Variants in FBXW11 observed in about 807,000 individuals in gnomAD.
FBXW11 encodes the protein F-box/WD repeat-containing protein 11.
Under a neutral mutation model 77.6 loss-of-function variants are expected in FBXW11, and 19 were observed. The observed-to-expected ratio is 0.24, with a 90% confidence interval of 0.17 to 0.36. The LOEUF (loss-of-function observed/expected upper bound fraction) is 0.36, where lower values mean the gene tolerates loss of function less well. Ranked by LOEUF, FBXW11 falls within the 10% of genes least tolerant of loss-of-function variation. The pLI is 1.00. For synonymous variants in FBXW11, 235 were observed against 249.4 expected (o/e 0.94, Z 0.54); for missense variants, 334 against 704.2 (o/e 0.47, Z 5.95).
intron 1 of FBXW11, among the ~76,000 whole-genome samples, chr5:171,981,845 G>T (rs1376186260): frequency 6.6e-6 from 1 of 152,188 alleles, no homozygotes; most frequent in Non-Finnish European, 1.5e-5. Flanking sequence ...ATAATGCAAT[G>T]CTACTAAGCA....
chr5:171,911,343 T>C (rs1760873465), intron 3 of FBXW11, among the ~76,000 whole-genome samples: 1 of 152,250 alleles, frequency 6.6e-6, no homozygotes, highest in African/African-American at 2.4e-5. Flanking sequence ...GTTTCGGTTT[T>C]ATTAGTCTGG....
intron 1 of FBXW11, among the ~76,000 whole-genome samples, chr5:171,979,050 C>A (rs904606295): frequency 6.6e-6 from 1 of 152,112 alleles, no homozygotes; most frequent in East Asian, 1.9e-4. Flanking sequence ...GTGGGTAAAA[C>A]CTTTGGCTAT....
At chr5:171,870,920 GT>G in intron 10 of FBXW11, 62 bp from the exon 11 acceptor site, 3 of 1,168,602 alleles carry the variant, frequency 2.6e-6, no homozygotes, top group Non-Finnish European at 3.8e-6. Context: ...CTATCCGTAA[GT>G]TTTTTATATC....
rs1463798215 is a variant in FBXW11 at position 171,967,819 on chromosome 5, A to G, written c.46-10121T>C. Among the ~76,000 whole-genome samples, 12 of 147,432 alleles carry G rather than the reference A, an allele frequency of 8.1e-5. 1 individual carries two copies. In the South Asian group the frequency reaches 2.6e-3, roughly 31 times the overall value. ...ACGCCACTGCACTCTAGCCTGGGCA[A>G]CAAGAGCGAGACTCTGTCTCAAAAA... On this transcript the variant is annotated intron_variant, in intron 1 of 13. Transcript: ENST00000517395.
chr5:171,906,615 C>A (rs754514579), intron 4 of FBXW11, among the ~76,000 whole-genome samples: 1 of 152,114 alleles, frequency 6.6e-6, no homozygotes, highest in Non-Finnish European at 1.5e-5. Flanking sequence ...CCAATAGATG[C>A]CAGGCATATT....
At chr5:171,923,328 C>T (rs1761702928) in intron 2 of FBXW11, among the ~76,000 whole-genome samples, 1 of 152,176 alleles carries the variant, frequency 6.6e-6, no homozygotes, top group Non-Finnish European at 1.5e-5. Flanking sequence ...CAAAGGTCTT[C>T]TCTCAATCTG....
chr5:171,938,668 C>T (rs929438755), intron 2 of FBXW11, among the ~76,000 whole-genome samples: 2 of 152,128 alleles, frequency 1.3e-5, no homozygotes, highest in Non-Finnish European at 2.9e-5. Flanking sequence ...CCTGAAGATA[C>T]ACTAATTCAG....
chr5:172,000,108 G>C (rs1374057587), intron 1 of FBXW11, among the ~76,000 whole-genome samples: 4 of 151,354 alleles, frequency 2.6e-5, no homozygotes, highest in Non-Finnish European at 4.4e-5. Context: ...CAAGGGTAAC[G>C]AGCACATTCT....
At chr5:171,905,736 T>C (rs960088177) in intron 4 of FBXW11, among the ~76,000 whole-genome samples, 5 of 152,160 alleles carry the variant, frequency 3.3e-5, no homozygotes, top group Non-Finnish European at 5.9e-5. Context: ...GTTTCAAGCC[T>C]ATTCAGGACA....
intron 7 of FBXW11, among the ~76,000 whole-genome samples, chr5:171,888,825 AAG>A: frequency 6.6e-6 from 1 of 152,204 alleles, no homozygotes; most frequent in Non-Finnish European, 1.5e-5. Flanking sequence ...GTAAATAAAA[AAG>A]AGAGAATTCT....
chr5:171,911,132 T>C (rs900361393), intron 3 of FBXW11, among the ~76,000 whole-genome samples: 68 of 152,270 alleles, frequency 4.5e-4, no homozygotes, highest in African/African-American at 1.6e-3. Flanking sequence ...TCTCCAAAGA[T>C]AGCTAATGCT....
At chr5:171,980,727 G>C (rs902912230) in intron 1 of FBXW11, among the ~76,000 whole-genome samples, 7 of 152,180 alleles carry the variant, frequency 4.6e-5, no homozygotes, top group African/African-American at 1.7e-4. Context: ...GCCAGAGGAA[G>C]TATAAGAATG....
chr5:171,972,997 G>A (rs1229487039), intron 1 of FBXW11, among the ~76,000 whole-genome samples: 1 of 152,300 alleles, frequency 6.6e-6, no homozygotes, highest in East Asian at 1.9e-4. Context: ...TCAGAAGAAC[G>A]CATATGCACA....
intron 4 of FBXW11, among the ~76,000 whole-genome samples, chr5:171,910,277 G>C (rs1760799996): frequency 6.6e-6 from 1 of 151,976 alleles, no homozygotes. Context: ...TGTTGGCCAG[G>C]CTGGTATCAA....
At chr5:172,006,416 C>G in intron 1 of FBXW11, 42 bp downstream of exon 1, 2 of 1,507,320 alleles carry the variant, frequency 1.3e-6, no homozygotes, top group Non-Finnish European at 1.8e-6. Context: ...CGCCCGGGGC[C>G]GGACGGACGG....
chr5:171,872,973 G>A lies in FBXW11; in HGVS notation c.1239C>T (p.Thr413=). ...DRTIKVWSTS[T]CEFVRTLNGH... ...CATTGAGAGTACGAACAAATTCACA[G>A]GTGCTCGTGCTCCAGACCTGTATAA... Residue 413 remains threonine, a synonymous_variant, in exon 10 of 14, where the codon ACC becomes ACT. Transcript: ENST00000517395. 6.2e-7 allele frequency: 1 copy of A among 1,613,760 alleles called. No individual in the cohort carries two copies. Among genetic ancestry groups the A allele is most frequent in the South Asian group, 1.1e-5 (1 of 91,002 alleles).
chr5:171,888,324 A>C (rs967959421), intron 7 of FBXW11, among the ~76,000 whole-genome samples: 1 of 152,232 alleles, frequency 6.6e-6, no homozygotes. Context: ...CTTACCCTTG[A>C]GCTGTATATG....
At chr5:171,916,582 T>TAA in intron 2 of FBXW11, 1 of 449,660 alleles carries the variant, frequency 2.2e-6, no homozygotes, top group Non-Finnish European at 2.9e-6. Context: ...GGTCTCTCCA[T>TAA]GTAATCTTTT....
chr5:171,895,823 A>G (rs1759704140), intron 6 of FBXW11, among the ~76,000 whole-genome samples: 1 of 148,400 alleles, frequency 6.7e-6, no homozygotes, highest in Non-Finnish European at 1.5e-5. Flanking sequence ...AACAACAATA[A>G]TAACAGCAAC....
Sources: allele counts gnomAD v4.1 joint callset (sites outside exome capture counted in the v4.1 genomes callset), GRCh38; gene constraint gnomAD v4.1.1; transcripts MANE v1.5; gene names NCBI Gene and HGNC (gene_info 2026-07-23, HGNC 2026-07-21).